Variants in NFKB1 observed in about 807,000 individuals in gnomAD.
NFKB1 encodes nuclear factor kappa B subunit 1.
In NFKB1, 9 loss-of-function variants were observed where a neutral mutation model predicts 105.1. That is an observed-to-expected ratio of 0.09 (90% confidence interval 0.05 to 0.15). The LOEUF is 0.15. NFKB1 is among the 10% of genes least tolerant of loss of function. The pLI is 1.00. For missense variants in NFKB1, 830 were observed against 1,203.7 expected, an observed-to-expected ratio of 0.69 and a Z score of 4.59; for synonymous variants, 440 against 442.2, an observed-to-expected ratio of 1.00 and a Z score of 0.06.
In NFKB1 at chr4:102,565,216, G is replaced by A. The variant is rs113529475; in HGVS notation, c.259-1771G>A. On this transcript the variant is annotated intron_variant, in intron 5 of 23. Transcript: ENST00000226574. Reference sequence around the variant, plus strand: ...AGGTGGTCAAGATCAAATTTAATTAGCAACCCTCTTCGTGATTGGCTTGCT... The same window carrying A: ...AGGTGGTCAAGATCAAATTTAATTAACAACCCTCTTCGTGATTGGCTTGCT... Among the ~76,000 whole-genome samples, 906 of 151,850 alleles carry A rather than the reference G, an allele frequency of 6.0e-3. 4 individuals are homozygous for A. Among genetic ancestry groups the A allele is most frequent in the Non-Finnish European group, 0.01 (690 of 67,952 alleles).
At chr4:102,610,140 C>G (rs1444867873) in intron 19 of NFKB1, among the ~76,000 whole-genome samples, 1 of 152,210 alleles carries the variant, frequency 6.6e-6, no homozygotes, top group Non-Finnish European at 1.5e-5. Flanking sequence ...CATCTTTGCT[C>G]TTTTGAGTGT....
intron 9 of NFKB1, among the ~76,000 whole-genome samples, chr4:102,581,632 T>A (rs1249510795): frequency 6.6e-6 from 1 of 152,154 alleles, no homozygotes; most frequent in Non-Finnish European, 1.5e-5. Flanking sequence ...CCAGCCTAGA[T>A]GACAGAGCGA....
chr4:102,531,321 A>T (rs746571240), intron 3 of NFKB1, among the ~76,000 whole-genome samples: 12 of 152,148 alleles, frequency 7.9e-5, no homozygotes, highest in Non-Finnish European at 1.6e-4. Context: ...ACACCTAAAA[A>T]TCTAATTTGT....
At chr4:102,526,950 ATATATG>A (rs541323850) in intron 2 of NFKB1, among the ~76,000 whole-genome samples, 9 of 152,096 alleles carry the variant, frequency 5.9e-5, no homozygotes, top group African/African-American at 1.7e-4. Flanking sequence ...GTATATATGT[ATATATG>A]TATATGTATA....
chr4:102,551,612 A>T (rs1400951102), intron 5 of NFKB1, among the ~76,000 whole-genome samples: 5 of 152,148 alleles, frequency 3.3e-5, no homozygotes, highest in Admixed American at 1.3e-4. Flanking sequence ...CAAGGGTGAG[A>T]TAGTGAGATG....
rs1342481404 is a variant in NFKB1, at chr4:102,553,638, T to C, written c.259-13349T>C. Among the ~76,000 whole-genome samples, 3 of 152,194 alleles carry C rather than the reference T, an allele frequency of 2.0e-5. No homozygotes were observed. In the East Asian group the frequency reaches 5.8e-4, roughly 29 times the overall value. Reference sequence around the variant, plus strand: ...TCTTAGATTAAAATTTCTCAGTGTATCTTTGTTTGCGTGTCTTTTTTTCTC... The same window carrying C: ...TCTTAGATTAAAATTTCTCAGTGTACCTTTGTTTGCGTGTCTTTTTTTCTC... On this transcript the variant is annotated intron_variant, in intron 5 of 23. Coordinates refer to ENST00000226574, the MANE Select transcript of NFKB1 (RefSeq NM_003998.4).
At chr4:102,602,229 A>T (rs1328863003) in intron 16 of NFKB1, among the ~76,000 whole-genome samples, 1 of 151,980 alleles carries the variant, frequency 6.6e-6, no homozygotes, top group Non-Finnish European at 1.5e-5. Context: ...TTTTATTTCC[A>T]TTCTTTAAAA....
intron 17 of NFKB1, 132 bp downstream of exon 17, chr4:102,606,829 T>G: frequency 5.2e-6 from 5 of 967,274 alleles, no homozygotes; most frequent in Non-Finnish European, 7.6e-6. Flanking sequence ...TCATCATCTC[T>G]TTTGGGCATT....
At chr4:102,572,278 G>C (rs554603559) in intron 6 of NFKB1, among the ~76,000 whole-genome samples, 2 of 146,854 alleles carry the variant, frequency 1.4e-5, no homozygotes, top group South Asian at 4.3e-4. Flanking sequence ...GGTGGAAATT[G>C]AACAATGAGA....
chr4:102,556,364 G>A (rs564876944), intron 5 of NFKB1, among the ~76,000 whole-genome samples: 2 of 152,158 alleles, frequency 1.3e-5, no homozygotes, highest in South Asian at 4.1e-4. Context: ...CAATCCAGGA[G>A]ACTTGATAAG....
At chr4:102,555,891 A>G (rs1440643936) in intron 5 of NFKB1, among the ~76,000 whole-genome samples, 1 of 152,228 alleles carries the variant, frequency 6.6e-6, no homozygotes, top group Non-Finnish European at 1.5e-5. Context: ...TTAGGACTAC[A>G]AATCTGGTAG....
chr4:102,612,322 A>G (rs1728498352), intron 21 of NFKB1, 112 bp from the exon 22 acceptor site: 1 of 1,151,252 alleles, frequency 8.7e-7, no homozygotes, highest in East Asian at 2.4e-5. Flanking sequence ...CAAGTAGAGT[A>G]GCTTGGTTGG....
intron 5 of NFKB1, among the ~76,000 whole-genome samples, chr4:102,542,742 C>T (rs958375616): frequency 6.6e-6 from 1 of 152,330 alleles, no homozygotes; most frequent in Non-Finnish European, 1.5e-5. Flanking sequence ...GGCTCCTTTT[C>T]AGGGCAAACA....
In NFKB1 at chr4:102,616,804, A is replaced by T; in HGVS notation, c.*210A>T. The T allele has an allele frequency of 2.0e-6, 1 of 495,066 alleles. No homozygotes were observed. Among genetic ancestry groups the T allele is most frequent in the South Asian group, 2.6e-5 (1 of 37,758 alleles). 30.7% of individuals were successfully genotyped at this position (495,066 alleles called of 1,614,324 possible). A position where few individuals can be genotyped will look rare whatever the true frequency, so the allele number is the denominator to read the frequency against. On this transcript the variant is annotated 3_prime_UTR_variant, in exon 24 of 24. Coordinates refer to ENST00000226574, the MANE Select transcript of NFKB1 (RefSeq NM_003998.4). The stretch of plus-strand genomic sequence containing the variant: ...GGTTCACTTACAGATAGTATCTAGC[A>T]ATCACAACACTGGCTGAGCGGATGC...
intron 4 of NFKB1, among the ~76,000 whole-genome samples, chr4:102,537,095 A>G (rs995083943): frequency 2.6e-5 from 4 of 152,188 alleles, no homozygotes; most frequent in African/African-American, 9.7e-5. Context: ...CTTTTGTACA[A>G]ATGAAAAAAT....
chr4:102,612,656 T>C, intron 22 of NFKB1, 50 bp downstream of exon 22: 3 of 1,526,306 alleles, frequency 2.0e-6, no homozygotes, highest in Non-Finnish European at 2.7e-6. Flanking sequence ...CTTTACTCTG[T>C]TAACATCTCT....
chr4:102,522,713 AC>A (rs1404658663), intron 1 of NFKB1, among the ~76,000 whole-genome samples: 1 of 152,174 alleles, frequency 6.6e-6, no homozygotes, highest in Non-Finnish European at 1.5e-5. Flanking sequence ...GTTTTTGAGG[AC>A]CATAGGCTAA....
intron 11 of NFKB1, among the ~76,000 whole-genome samples, chr4:102,585,721 C>T (rs964032910): frequency 6.6e-6 from 1 of 152,106 alleles, no homozygotes; most frequent in Admixed American, 6.6e-5. Context: ...GCCCTTGGTC[C>T]CTTTATTCTA....
chr4:102,583,680 A>G (rs1166854745), intron 10 of NFKB1, among the ~76,000 whole-genome samples: 3 of 152,172 alleles, frequency 2.0e-5, no homozygotes, highest in Non-Finnish European at 4.4e-5. Context: ...AGATTTCCCA[A>G]TGGCAACTGA....
Sources: gnomAD v4.1 joint callset for allele counts (sites outside exome capture counted in the v4.1 genomes callset) on GRCh38, gnomAD v4.1.1 for gene constraint, MANE v1.5 for transcripts, NCBI Gene and HGNC (gene_info 2026-07-23, HGNC 2026-07-21) for gene names.